The following CTNNA3 variants were observed in gnomAD, a reference collection of about 807,000 sequenced individuals.
CTNNA3 encodes catenin alpha-3.
Under a neutral mutation model 95.7 loss-of-function variants are expected in CTNNA3, and 76 were observed. That is an observed-to-expected ratio of 0.79 (90% confidence interval 0.66 to 0.96). The LOEUF is 0.96. Among genes scored for constraint, CTNNA3 ranks in the 40% least tolerant of loss-of-function variants. The pLI, the probability that CTNNA3 is intolerant of heterozygous loss-of-function variation, is 0.00. For synonymous variants in CTNNA3, 431 were observed against 374.4 expected (o/e 1.15, Z -1.74); for missense variants, 1,191 against 1,089.8 (o/e 1.09, Z -1.31).
intron 13 of CTNNA3, among the ~76,000 whole-genome samples, chr10:66,176,971 T>G (rs1014286334): frequency 6.6e-6 from 1 of 151,470 alleles, no homozygotes; most frequent in African/African-American, 2.4e-5. Flanking sequence ...AAAAAAAAAG[T>G]GTTCTTACTT....
At chr10:67,104,130 A>T (rs1170664011) in intron 7 of CTNNA3, among the ~76,000 whole-genome samples, 1 of 151,868 alleles carries the variant, frequency 6.6e-6, no homozygotes, top group Non-Finnish European at 1.5e-5. Flanking sequence ...ACTGGCTGAA[A>T]AAAAGAGGTC....
intron 10 of CTNNA3, among the ~76,000 whole-genome samples, chr10:66,543,236 G>C (rs957839071): frequency 6.6e-6 from 1 of 151,994 alleles, no homozygotes; most frequent in Non-Finnish European, 1.5e-5. Context: ...GGGATTACAG[G>C]TCTCTGCCAC....
chr10:66,376,036 C>T (rs1333393054), intron 12 of CTNNA3, among the ~76,000 whole-genome samples: 1 of 152,098 alleles, frequency 6.6e-6, no homozygotes, highest in African/African-American at 2.4e-5. Flanking sequence ...ATGAGCCTGG[C>T]AAACAGTAAA....
chr10:67,138,516 T>C lies in CTNNA3; in HGVS notation c.1047+41801A>G, dbSNP rs527817615. 1.2e-4 allele frequency among the ~76,000 whole-genome samples: 18 copies of C among 152,342 alleles called. No individual in the cohort carries two copies. In the South Asian group the frequency reaches 2.3e-3, roughly 19 times the overall value. ...ATTTCTTAATCAGTTTTAGCATTTG[T>C]TTATTTTCTCTCTTCTGAAACAATG... On this transcript the variant is annotated intron_variant, in intron 7 of 17. Transcript: ENST00000433211.
In CTNNA3 at chr10:65,988,809, T is replaced by C. The variant is rs1194375577; in HGVS notation, c.2160-12A>G. On this transcript the variant is annotated splice_polypyrimidine_tract_variant and intron_variant, in intron 15 of 17. Transcript: ENST00000433211. Reference sequence around the variant, plus strand: ...GTGGTCCTTTGCCCCTGGAAAAAAATTTATATATGTTAGCTGTGGTGTTCA... The same window carrying C: ...GTGGTCCTTTGCCCCTGGAAAAAAACTTATATATGTTAGCTGTGGTGTTCA... The C allele has an allele frequency of 1.3e-6, 2 of 1,587,958 alleles. No homozygotes were observed. The highest frequency in any genetic ancestry group is 1.7e-6 in the Non-Finnish European group (2 of 1,157,660).
intron 9 of CTNNA3, among the ~76,000 whole-genome samples, chr10:66,715,818 G>T (rs1347452027): frequency 1.3e-5 from 2 of 151,740 alleles, no homozygotes; most frequent in East Asian, 3.9e-4. Flanking sequence ...TTAATTTCTT[G>T]ACAGGGATGA....
intron 5 of CTNNA3, among the ~76,000 whole-genome samples, chr10:67,350,177 C>A (rs192819223): frequency 6.6e-6 from 1 of 152,042 alleles, no homozygotes; most frequent in South Asian, 2.1e-4. Flanking sequence ...ACTCAGCTAG[C>A]GTGTGGCAGA....
At chr10:66,814,719 G>A (rs1017398133) in intron 7 of CTNNA3, among the ~76,000 whole-genome samples, 4 of 152,056 alleles carry the variant, frequency 2.6e-5, no homozygotes, top group African/African-American at 9.6e-5. Flanking sequence ...AGCTGAGATC[G>A]CACCACTGTA....
chr10:67,606,158 T>C (rs184568756), intron 3 of CTNNA3, among the ~76,000 whole-genome samples: 63 of 152,318 alleles, frequency 4.1e-4, no homozygotes, highest in Admixed American at 1.6e-3. Context: ...AAATTTAACT[T>C]TCCTTTTCCT....
In CTNNA3 at chr10:67,420,227, A is replaced by T. The variant is rs75938687; in HGVS notation, c.579+101615T>A. The stretch of plus-strand genomic sequence containing the variant: ...GTGTAGTTTTTTATTTCAATCCTCT[A>T]AAACAAAATCAAGAACTAACAAATG... On this transcript the variant is annotated intron_variant, in intron 5 of 17. Coordinates refer to ENST00000433211, the MANE Select transcript of CTNNA3 (RefSeq NM_013266.4). Among the ~76,000 whole-genome samples the T allele has an allele frequency of 3.0e-3, 457 of 152,346 alleles. 1 individual carries two copies. Among genetic ancestry groups the T allele is most frequent in the African/African-American group, 0.01 (435 of 41,574 alleles).
intron 5 of CTNNA3, among the ~76,000 whole-genome samples, chr10:67,440,774 T>C (rs1846480410): frequency 6.6e-6 from 1 of 152,102 alleles, no homozygotes; most frequent in South Asian, 2.1e-4. Context: ...CACAGCATTA[T>C]TGGGCCTGGG....
intron 13 of CTNNA3, among the ~76,000 whole-genome samples, chr10:66,279,714 C>G (rs1415462856): frequency 6.6e-6 from 1 of 152,074 alleles, no homozygotes; most frequent in African/African-American, 2.4e-5. Context: ...CTCACTTTCT[C>G]TTAAATAGAC....
At chr10:66,898,187 A>G (rs996934885) in intron 7 of CTNNA3, among the ~76,000 whole-genome samples, 3 of 152,226 alleles carry the variant, frequency 2.0e-5, no homozygotes, top group Non-Finnish European at 4.4e-5. Context: ...CAATGGTCAT[A>G]TCTACGGAAT....
chr10:67,477,961 G>C (rs1848080875), intron 5 of CTNNA3, among the ~76,000 whole-genome samples: 1 of 152,118 alleles, frequency 6.6e-6, no homozygotes, highest in African/African-American at 2.4e-5. Flanking sequence ...CAGGACATGA[G>C]GAAAGAGATA....
chr10:66,478,889 T>G (rs1488851835), intron 11 of CTNNA3, among the ~76,000 whole-genome samples: 1 of 151,894 alleles, frequency 6.6e-6, no homozygotes, highest in East Asian at 1.9e-4. Context: ...GATTTCTTGC[T>G]AAACAGAATT....
chr10:66,360,889 CTTTA>C (rs141911275), intron 12 of CTNNA3, among the ~76,000 whole-genome samples: 4,573 of 106,438 alleles, frequency 0.043, 141 homozygotes, highest in Non-Finnish European at 0.059. Flanking sequence ...TTTCTTTTTT[CTTTA>C]TTTCTTTCTC....
At chr10:66,840,792 T>C (rs1843041673) in intron 7 of CTNNA3, among the ~76,000 whole-genome samples, 1 of 152,152 alleles carries the variant, frequency 6.6e-6, no homozygotes, top group Admixed American at 6.6e-5. Flanking sequence ...TCTGTCCTAT[T>C]TTGTTGCTTG....
intron 4 of CTNNA3, among the ~76,000 whole-genome samples, chr10:67,531,559 G>A (rs1281161257): frequency 6.6e-6 from 1 of 152,212 alleles, no homozygotes; most frequent in East Asian, 1.9e-4. Flanking sequence ...ATTGTATCTA[G>A]AAAGTAACTA....
At chr10:66,836,671 G>A (rs4421651) in intron 7 of CTNNA3, among the ~76,000 whole-genome samples, 54,514 of 151,932 alleles carry the variant, frequency 0.36, 10,846 homozygotes, top group Non-Finnish European at 0.46. Context: ...GGCATGTAGC[G>A]AATAACCCAG....
Sources: allele counts gnomAD v4.1 joint callset (sites outside exome capture counted in the v4.1 genomes callset), GRCh38; gene constraint gnomAD v4.1.1; transcripts MANE v1.5; gene names NCBI Gene and HGNC (gene_info 2026-07-23, HGNC 2026-07-21).